The following DNAH12 variants were observed in gnomAD, a reference collection of about 807,000 sequenced individuals.
DNAH12 encodes axonemal beta dynein heavy chain 12.
In DNAH12, 285 loss-of-function variants were observed where a neutral mutation model predicts 371.5. That is an observed-to-expected ratio of 0.77 (90% CI 0.70 to 0.85). The LOEUF is 0.85. Among genes scored for constraint, DNAH12 ranks in the 40% least tolerant of loss-of-function variants. DNAH12 has a pLI of 0.00. For missense variants in DNAH12, 3,611 were observed against 3,689.4 expected (o/e 0.98, Z 0.55); for synonymous variants, 1,200 against 1,213.0 (o/e 0.99, Z 0.22).
Position 57,508,365 on chromosome 3 carries a change from A to C in DNAH12, c.701+17T>G. On this transcript the variant is annotated intron_variant, in intron 7 of 73. Transcript: ENST00000495027. ...AAGCAAGGAGACATTCAAATTTTAA[A>C]TTAAACGGGATTTTACCTAATTCCT... 1 of 1,572,978 alleles carries C rather than the reference A, an allele frequency of 6.4e-7. No individual in the cohort carries two copies. The highest frequency in any genetic ancestry group is 8.6e-7 in the Non-Finnish European group (1 of 1,165,104).
At chr3:57,315,447 T>C (rs986685583) in intron 65 of DNAH12, among the ~76,000 whole-genome samples, 18 of 150,502 alleles carry the variant, frequency 1.2e-4, no homozygotes, top group African/African-American at 4.2e-4. Flanking sequence ...AAACATTTCA[T>C]AGGGGAAGAA....
At chr3:57,356,591 T>A (rs1289881719) in intron 59 of DNAH12, among the ~76,000 whole-genome samples, 1 of 151,992 alleles carries the variant, frequency 6.6e-6, no homozygotes, top group Non-Finnish European at 1.5e-5. Flanking sequence ...TGTGCCTGCC[T>A]CATTGAAATA....
At position 57,310,752 on chromosome 3, in the gene DNAH12, T is replaced by G. The variant is rs1168836276; in HGVS notation, c.10861A>C (p.Lys3621Gln). 1.9e-6 allele frequency: 3 copies of G among 1,551,520 alleles called. No homozygotes were observed. The African/African-American group carries it at 4.1e-5, about 21-fold the overall frequency. Residue 3621 changes from lysine to glutamine, a missense_variant, in exon 67 of 74, where the codon AAA (lysine) becomes CAA (glutamine). Coordinates refer to ENST00000495027, the MANE Select transcript of DNAH12 (RefSeq NM_001366028.2). ...SPSGNYFAPPKGTYEDYIEFI... is the reference protein window; with the variant it reads ...SPSGNYFAPPQGTYEDYIEFI... ...TCAATGTAGTCCTCATAAGTGCCTT[T>G]AGGAGGTGCAAAATAGTTTCCACTG... is the stretch of plus-strand genomic sequence containing the variant.
chr3:57,508,576 A>T lies in DNAH12; in HGVS notation c.543-36T>A, dbSNP rs756075010. ...AAAACACCATATCAAACATGATGAA[A>T]ATAATACACCCTAAACTTTAGGAAA... is the stretch of plus-strand genomic sequence containing the variant. On this transcript the variant is annotated intron_variant, in intron 6 of 73. Transcript: ENST00000495027. 2.5e-6 allele frequency: 4 copies of T among 1,587,524 alleles called. No individual in the cohort carries two copies. In the East Asian group the frequency reaches 9.1e-5, roughly 36 times the overall value.
At chr3:57,483,257 G>A in intron 13 of DNAH12, 119 bp downstream of exon 13, 1 of 1,208,532 alleles carries the variant, frequency 8.3e-7, no homozygotes, top group African/African-American at 1.5e-5. Flanking sequence ...CCTAGGTGGT[G>A]GCAATATAAC....
At chr3:57,327,237 C>G (rs1227908600) in intron 62 of DNAH12, among the ~76,000 whole-genome samples, 1 of 152,098 alleles carries the variant, frequency 6.6e-6, no homozygotes, top group Non-Finnish European at 1.5e-5. Flanking sequence ...ACTCGCCACC[C>G]CAAATCAACA....
intron 40 of DNAH12, among the ~76,000 whole-genome samples, 168 bp downstream of exon 40, chr3:57,408,112 C>G (rs2064093536): frequency 6.6e-6 from 1 of 152,056 alleles, no homozygotes; most frequent in Admixed American, 6.6e-5. Context: ...AAGGCTCAAC[C>G]CAAGTTGGAT....
chr3:57,405,512 C>A, intron 41 of DNAH12, 141 bp downstream of exon 41: 1 of 975,118 alleles, frequency 1.0e-6, no homozygotes, highest in South Asian at 1.9e-5. Flanking sequence ...GAAGATAAAT[C>A]TTCTCAAAAC....
chr3:57,398,933 C>A (rs1021643930), intron 43 of DNAH12, among the ~76,000 whole-genome samples: 29 of 152,128 alleles, frequency 1.9e-4, no homozygotes, highest in Non-Finnish European at 3.2e-4. Flanking sequence ...GTGCATAAAT[C>A]TACTTTTAAT....
intron 69 of DNAH12, among the ~76,000 whole-genome samples, chr3:57,305,941 C>G (rs1287291892): frequency 6.6e-6 from 1 of 152,214 alleles, no homozygotes; most frequent in African/African-American, 2.4e-5. Flanking sequence ...CCTCCTCCCC[C>G]AGGAGCTTGC....
chr3:57,369,833 C>G (rs2063132331), intron 55 of DNAH12, among the ~76,000 whole-genome samples: 1 of 152,118 alleles, frequency 6.6e-6, no homozygotes, highest in Non-Finnish European at 1.5e-5. Context: ...AATTAACATT[C>G]TAATGTTAAT....
upstream of DNAH12, among the ~76,000 whole-genome samples, chr3:57,547,237 T>C (rs1257815508): frequency 7.3e-6 from 1 of 137,016 alleles, no homozygotes; most frequent in Non-Finnish European, 1.6e-5. Context: ...GATATAGATA[T>C]AGATGATATG....
At chr3:57,315,142 T>G (rs2061659341) in intron 65 of DNAH12, among the ~76,000 whole-genome samples, 1 of 152,098 alleles carries the variant, frequency 6.6e-6, no homozygotes, top group Non-Finnish European at 1.5e-5. Flanking sequence ...GCATGTCACA[T>G]GGGCTTCTCA....
intron 43 of DNAH12, among the ~76,000 whole-genome samples, chr3:57,396,402 T>C (rs2063742911): frequency 6.6e-6 from 1 of 151,950 alleles, no homozygotes; most frequent in South Asian, 2.1e-4. Context: ...ATCGTGATTT[T>C]TTTTTTGTTT....
chr3:57,434,843 A>G (rs1436454681), intron 30 of DNAH12, among the ~76,000 whole-genome samples: 1 of 152,184 alleles, frequency 6.6e-6, no homozygotes, highest in Non-Finnish European at 1.5e-5. Flanking sequence ...TTCACTTAAA[A>G]AAGAACCATA....
chr3:57,441,120 T>A (rs982967603), intron 29 of DNAH12, among the ~76,000 whole-genome samples: 5 of 151,854 alleles, frequency 3.3e-5, no homozygotes, highest in Non-Finnish European at 7.4e-5. Flanking sequence ...GATAAGAACT[T>A]GACAATACAT....
chr3:57,477,671 C>A (rs979516238), intron 13 of DNAH12, among the ~76,000 whole-genome samples: 3 of 152,152 alleles, frequency 2.0e-5, no homozygotes, highest in Admixed American at 2.0e-4. Flanking sequence ...GGGAGGCACC[C>A]CCCAGTAGGG....
intron 35 of DNAH12, among the ~76,000 whole-genome samples, chr3:57,422,080 G>A (rs954741005): frequency 6.6e-6 from 1 of 150,384 alleles, no homozygotes; most frequent in Admixed American, 6.6e-5. Flanking sequence ...CTAATTTTTT[G>A]TTTTTGCTTT....
chr3:57,450,551 A>G (rs900496833), intron 25 of DNAH12, among the ~76,000 whole-genome samples: 1 of 152,352 alleles, frequency 6.6e-6, no homozygotes, highest in African/African-American at 2.4e-5. Context: ...TCCATCTCAA[A>G]AAGTGTTGAA....
Sources: gnomAD v4.1 joint callset for allele counts (sites outside exome capture counted in the v4.1 genomes callset) on GRCh38, gnomAD v4.1.1 for gene constraint, MANE v1.5 for transcripts, NCBI Gene and HGNC (gene_info 2026-07-23, HGNC 2026-07-21) for gene names.